The following WWOX variants were observed in gnomAD, a reference collection of about 807,000 sequenced individuals.
The protein encoded by WWOX is WW domain containing oxidoreductase.
Under a neutral mutation model 46.2 loss-of-function variants are expected in WWOX, and 69 were observed. That is an observed-to-expected ratio of 1.49 (90% CI 1.23 to 1.82). The LOEUF is 1.82. Among genes scored for constraint, WWOX ranks in the 40% most tolerant of loss-of-function variants. The pLI is 0.00. For synonymous variants in WWOX, 359 were observed against 202.6 expected (o/e 1.77, Z -6.56); for missense variants, 919 against 542.6 (o/e 1.69, Z -6.89).
chr16:78,669,372 T>C (rs1001215102), intron 8 of WWOX, among the ~76,000 whole-genome samples: 1 of 152,226 alleles, frequency 6.6e-6, no homozygotes. Flanking sequence ...TCAACTAGAA[T>C]GGTAGGATCC....
chr16:78,579,423 G>A (rs142392375), intron 8 of WWOX, among the ~76,000 whole-genome samples: 81 of 152,250 alleles, frequency 5.3e-4, no homozygotes, highest in African/African-American at 9.4e-4. Context: ...ACTGAGGAAG[G>A]GTACTCAGGC....
intron 8 of WWOX, among the ~76,000 whole-genome samples, chr16:79,198,651 G>A (rs182476521): frequency 6.6e-6 from 1 of 152,334 alleles, no homozygotes; most frequent in East Asian, 1.9e-4. Flanking sequence ...CAAGGGCACA[G>A]ATGACACAGG....
intron 8 of WWOX, among the ~76,000 whole-genome samples, chr16:79,074,019 C>T (rs2048602555): frequency 6.6e-6 from 1 of 151,436 alleles, no homozygotes; most frequent in African/African-American, 2.4e-5. Flanking sequence ...AAGCCTTTCA[C>T]CATGGTTAGT....
chr16:79,040,391 C>T (rs1431419998), intron 8 of WWOX, among the ~76,000 whole-genome samples: 2 of 151,510 alleles, frequency 1.3e-5, no homozygotes, highest in African/African-American at 2.4e-5. Flanking sequence ...CCTCCTGCCT[C>T]AGCCTCATGA....
intron 8 of WWOX, among the ~76,000 whole-genome samples, chr16:79,032,108 A>T (rs1002807202): frequency 2.8e-5 from 4 of 144,944 alleles, no homozygotes; most frequent in African/African-American, 1.0e-4. Context: ...TAGATAATTT[A>T]TATATAAATA....
chr16:78,226,015 C>T (rs1045972943), intron 5 of WWOX, among the ~76,000 whole-genome samples: 1 of 152,080 alleles, frequency 6.6e-6, no homozygotes. Context: ...ACTTCTGCAT[C>T]TTAAAAAAAC....
Position 78,349,861 on chromosome 16 carries a change from G to C in WWOX, c.517-36999G>C, listed in dbSNP as rs2081155130. On this transcript the variant is annotated intron_variant, in intron 5 of 8. Coordinates refer to ENST00000566780, the MANE Select transcript of WWOX (RefSeq NM_016373.4). ...GAGCTATATTGATTTTGTATTTCTGGGCTCAGCTTTTGACTCAGTCTCATT... is the reference window on the plus strand; with the variant it reads ...GAGCTATATTGATTTTGTATTTCTGCGCTCAGCTTTTGACTCAGTCTCATT... Among the ~76,000 whole-genome samples the C allele has an allele frequency of 2.5e-5, 3 of 120,464 alleles. No homozygotes were observed. The South Asian group carries it at 7.4e-4, about 30-fold the overall frequency. The allele number at this position is 120,464 out of a possible 152,430, so 79.0% of individuals were successfully genotyped here.
At chr16:78,603,025 C>T (rs996554611) in intron 8 of WWOX, among the ~76,000 whole-genome samples, 4 of 152,202 alleles carry the variant, frequency 2.6e-5, no homozygotes, top group East Asian at 1.9e-4. Context: ...CAGTATCTAG[C>T]GTGTTTTCAG....
rs563565744 is a variant in WWOX, at chr16:78,174,852, G to A, written c.516+10563G>A. Reference sequence around the variant, plus strand: ...AAAATACAAAAATTAGCTGGGTGTGGCGGCATGCGCCTTTAGTCCCAGCTA... The same window carrying A: ...AAAATACAAAAATTAGCTGGGTGTGACGGCATGCGCCTTTAGTCCCAGCTA... On this transcript the variant is annotated intron_variant, in intron 5 of 8. Coordinates refer to ENST00000566780, the MANE Select transcript of WWOX (RefSeq NM_016373.4). 1.8e-3 allele frequency among the ~76,000 whole-genome samples: 272 copies of A among 152,186 alleles called. 1 individual carries two copies. The highest frequency in any genetic ancestry group is 6.3e-3 in the African/African-American group (263 of 41,534).
intron 8 of WWOX, among the ~76,000 whole-genome samples, chr16:78,468,534 TAGAAG>T (rs908319475): frequency 5.9e-5 from 9 of 152,274 alleles, no homozygotes; most frequent in African/African-American, 1.9e-4. Context: ...TCGGCCCTCT[TAGAAG>T]AGATTTCAGG....
chr16:78,622,190 C>T (rs181830060), intron 8 of WWOX, among the ~76,000 whole-genome samples: 2 of 152,264 alleles, frequency 1.3e-5, no homozygotes, highest in African/African-American at 2.4e-5. Context: ...CCATTCTTCT[C>T]TCCTGCACCA....
In WWOX at chr16:78,605,152, C is replaced by A. The variant is rs1389274082; in HGVS notation, c.1056+172400C>A. Among the ~76,000 whole-genome samples, 4 of 150,256 alleles carry A rather than the reference C, an allele frequency of 2.7e-5. No individual in the cohort carries two copies. The East Asian group carries it at 7.9e-4, about 30-fold the overall frequency. ...CTAGCTTTTTTTTTCTCTACTAGAC[C>A]TTCAAAGTCTAGGAATGCCTGATGT... On this transcript the variant is annotated intron_variant, in intron 8 of 8. Coordinates refer to ENST00000566780, the MANE Select transcript of WWOX (RefSeq NM_016373.4).
At chr16:78,800,770 G>C (rs2050865510) in intron 8 of WWOX, among the ~76,000 whole-genome samples, 1 of 152,150 alleles carries the variant, frequency 6.6e-6, no homozygotes, top group Non-Finnish European at 1.5e-5. Flanking sequence ...CAGTGTGTCT[G>C]GGTCTGTGTC....
intron 8 of WWOX, among the ~76,000 whole-genome samples, chr16:79,081,039 C>T (rs775002688): frequency 3.3e-5 from 5 of 152,144 alleles, no homozygotes; most frequent in African/African-American, 4.8e-5. Context: ...ACTTCTCACT[C>T]ATAGATTTGA....
chr16:78,355,575 ATCC>A, intron 5 of WWOX: 2 of 479,650 alleles, frequency 4.2e-6, no homozygotes. Context: ...ACTGTGGAGG[ATCC>A]CCTGGATCTT....
intron 8 of WWOX, among the ~76,000 whole-genome samples, chr16:79,155,859 TAAG>T (rs535362762): frequency 9.9e-4 from 151 of 151,854 alleles, no homozygotes; most frequent in African/African-American, 3.6e-3. Flanking sequence ...CTAATACATA[TAAG>T]AAGGAGAAAG....
chr16:79,129,899 G>A (rs531435113), intron 8 of WWOX, among the ~76,000 whole-genome samples: 34 of 152,272 alleles, frequency 2.2e-4, no homozygotes, highest in African/African-American at 5.8e-4. Flanking sequence ...AAGTGTAAGC[G>A]TCGCTGTTCA....
chr16:78,451,631 T>A (rs1424471360), intron 8 of WWOX, among the ~76,000 whole-genome samples: 2 of 152,204 alleles, frequency 1.3e-5, no homozygotes, highest in Admixed American at 1.3e-4. Flanking sequence ...CCCACATCTT[T>A]GGGCTGTTGG....
At chr16:79,097,552 A>G (rs1237168798) in intron 8 of WWOX, among the ~76,000 whole-genome samples, 1 of 152,168 alleles carries the variant, frequency 6.6e-6, no homozygotes, top group Non-Finnish European at 1.5e-5. Flanking sequence ...TTTTGTTTGT[A>G]TTAGGAAAAA....
Sources: gnomAD v4.1 joint callset for allele counts (sites outside exome capture counted in the v4.1 genomes callset) on GRCh38, gnomAD v4.1.1 for gene constraint, MANE v1.5 for transcripts, NCBI Gene and HGNC (gene_info 2026-07-23, HGNC 2026-07-21) for gene names.